The following CSMD1 variants were observed in gnomAD, a reference collection of about 807,000 sequenced individuals.
The protein encoded by CSMD1 is CUB and Sushi multiple domains 1.
CSMD1 carries 213 observed loss-of-function variants against 417.5 expected under a neutral mutation model. The ratio of observed to expected loss-of-function variants is 0.51; its 90% CI spans 0.46 to 0.57. The LOEUF (loss-of-function observed/expected upper bound fraction) is 0.57. CSMD1 is among the 20% of genes least tolerant of loss of function. The probability of loss-of-function intolerance (pLI) is 0.00; values close to 1 mark genes in which losing one functional copy is unlikely to be tolerated. For synonymous variants in CSMD1, 2,862 were observed against 1,736.8 expected, an observed-to-expected ratio of 1.65 and a Z score of -16.11; for missense variants, 6,923 against 4,529.7, an observed-to-expected ratio of 1.53 and a Z score of -15.17.
At chr8:4,726,849 A>C (rs115347243) in intron 1 of CSMD1, among the ~76,000 whole-genome samples, 2,059 of 152,334 alleles carry the variant, frequency 0.014, 35 homozygotes, top group Middle Eastern at 0.048. Context: ...AAATGACCTG[A>C]AAAGCTGAAA....
At chr8:4,343,151 G>C (rs1800576513) in intron 3 of CSMD1, among the ~76,000 whole-genome samples, 1 of 152,070 alleles carries the variant, frequency 6.6e-6, no homozygotes, top group African/African-American at 2.4e-5. Flanking sequence ...CACATGAAAT[G>C]GGCAATGTAT....
intron 21 of CSMD1, among the ~76,000 whole-genome samples, chr8:3,356,238 C>T (rs555576641): frequency 7.2e-5 from 11 of 152,204 alleles, no homozygotes; most frequent in African/African-American, 2.7e-4. Flanking sequence ...GAGAAAGGAA[C>T]ATGAAGCATG....
At chr8:3,599,820 T>C (rs62473913) in intron 8 of CSMD1, among the ~76,000 whole-genome samples, 8,663 of 152,284 alleles carry the variant, frequency 0.057, 400 homozygotes, top group Admixed American at 0.15. Flanking sequence ...TTCATCAAAA[T>C]CTGCTGGGAG....
intron 3 of CSMD1, among the ~76,000 whole-genome samples, chr8:4,413,232 G>A (rs971556381): frequency 1.3e-5 from 2 of 152,174 alleles, no homozygotes; most frequent in African/African-American, 4.8e-5. Context: ...CCATCAGGGT[G>A]CAACTGTGAG....
chr8:3,266,109 AAG>A (rs1801410897), intron 26 of CSMD1, among the ~76,000 whole-genome samples: 1 of 151,432 alleles, frequency 6.6e-6, no homozygotes, highest in Non-Finnish European at 1.5e-5. Context: ...TTAATTTGCA[AAG>A]AGAGAGTATG....
intron 27 of CSMD1, among the ~76,000 whole-genome samples, chr8:3,228,274 A>G (rs1011417788): frequency 6.6e-6 from 1 of 152,248 alleles, no homozygotes; most frequent in African/African-American, 2.4e-5. Flanking sequence ...GAATCTTTGA[A>G]ACAGAATTTA....
At chr8:3,391,351 C>G (rs1193276023) in intron 17 of CSMD1, among the ~76,000 whole-genome samples, 1 of 152,084 alleles carries the variant, frequency 6.6e-6, no homozygotes, top group East Asian at 1.9e-4. Context: ...ACAGCATTTT[C>G]AAAAAATGCT....
intron 10 of CSMD1, among the ~76,000 whole-genome samples, chr8:3,566,479 C>G (rs746643792): frequency 1.3e-5 from 2 of 152,092 alleles, no homozygotes; most frequent in African/African-American, 4.8e-5. Flanking sequence ...CTCCACCAGC[C>G]CCTCCTGGTG....
intron 5 of CSMD1, among the ~76,000 whole-genome samples, chr8:3,959,386 C>A (rs1018076853): frequency 6.6e-6 from 1 of 152,148 alleles, no homozygotes; most frequent in Non-Finnish European, 1.5e-5. Context: ...GTAGTACCAG[C>A]TACTCAAGAG....
intron 3 of CSMD1, among the ~76,000 whole-genome samples, chr8:4,059,468 T>C (rs1303133304): frequency 1.3e-5 from 2 of 151,838 alleles, no homozygotes; most frequent in African/African-American, 4.8e-5. Flanking sequence ...GAAATAGAGA[T>C]GCAAATAACC....
intron 3 of CSMD1, among the ~76,000 whole-genome samples, chr8:4,270,970 G>C (rs748032513): frequency 1.3e-5 from 2 of 152,150 alleles, no homozygotes; most frequent in Non-Finnish European, 2.9e-5. Context: ...CTGTCACCGC[G>C]TTCACTCTTT....
Position 4,346,877 on chromosome 8 carries a change from TCTGGCTGGATTGTAAAAC to T in CSMD1, c.415+73058_415+73075del, listed in dbSNP as rs200314902. Among the ~76,000 whole-genome samples, 1,450 of 152,248 alleles carry T rather than the reference TCTGGCTGGATTGTAAAAC, an allele frequency of 9.5e-3. 14 individuals carry two copies. The highest frequency in any genetic ancestry group is 0.033 in the African/African-American group (1,382 of 41,558). ...ATCTCCACCTCTCTCAACATGTCAT[TCTGGCTGGATTGTAAAAC>T]CTGGCTGGACCTCAATCTTTTCCTC... is the stretch of plus-strand genomic sequence containing the variant. On this transcript the variant is annotated intron_variant, in intron 3 of 69. Transcript: ENST00000635120.
At chr8:4,394,412 T>C (rs540887626) in intron 3 of CSMD1, among the ~76,000 whole-genome samples, 1 of 152,318 alleles carries the variant, frequency 6.6e-6, no homozygotes, top group Admixed American at 6.5e-5. Context: ...ACACAATCAA[T>C]ATTTCGTCCT....
rs1401901198 is a variant in CSMD1, at chr8:3,630,944, TC to T, written c.1010-14148del. On this transcript the variant is annotated intron_variant, in intron 7 of 69. Coordinates refer to ENST00000635120, the MANE Select transcript of CSMD1 (RefSeq NM_033225.6). ...TAGAGAAACATGGTATTCACTTTCT[TC>T]CAAGAGATGAGACTGAAAAGCATGG... Among the ~76,000 whole-genome samples the T allele has an allele frequency of 6.6e-5, 10 of 152,258 alleles. No homozygotes were observed. In the East Asian group the frequency reaches 1.9e-3, roughly 29 times the overall value.
At chr8:4,332,027 A>T (rs561320277) in intron 3 of CSMD1, among the ~76,000 whole-genome samples, 4 of 152,278 alleles carry the variant, frequency 2.6e-5, no homozygotes, top group African/African-American at 9.6e-5. Flanking sequence ...ACAAACAATG[A>T]TGGATGCTTG....
intron 3 of CSMD1, among the ~76,000 whole-genome samples, chr8:4,205,632 A>C (rs1035888447): frequency 2.0e-5 from 3 of 152,082 alleles, no homozygotes; most frequent in African/African-American, 4.8e-5. Context: ...AGCCACACAG[A>C]GTGAGAAAGC....
chr8:4,000,914 C>T (rs1388073652), intron 4 of CSMD1, among the ~76,000 whole-genome samples: 3 of 151,806 alleles, frequency 2.0e-5, no homozygotes, highest in Non-Finnish European at 4.4e-5. Context: ...TTATCAAAGT[C>T]CACGTTACCA....
intron 6 of CSMD1, among the ~76,000 whole-genome samples, chr8:3,738,739 A>G (rs1364713733): frequency 6.6e-6 from 1 of 152,220 alleles, no homozygotes; most frequent in African/African-American, 2.4e-5. Context: ...CTAATTTCAA[A>G]GACAAATTCA....
chr8:3,707,447 T>A (rs1801233068), intron 7 of CSMD1, among the ~76,000 whole-genome samples: 1 of 152,118 alleles, frequency 6.6e-6, no homozygotes, highest in Non-Finnish European at 1.5e-5. Flanking sequence ...ATGAAAAGAT[T>A]GCCAGGGAAG....
Sources: gnomAD v4.1 joint callset for allele counts (sites outside exome capture counted in the v4.1 genomes callset) on GRCh38, gnomAD v4.1.1 for gene constraint, MANE v1.5 for transcripts, NCBI Gene and HGNC (gene_info 2026-07-23, HGNC 2026-07-21) for gene names.